CACNA1D: variants seen among roughly 807,000 people sequenced by gnomAD.
CACNA1D encodes the protein voltage-dependent L-type calcium channel subunit alpha-1D.
CACNA1D carries 55 observed loss-of-function variants against 257.1 expected under a neutral mutation model. The ratio of observed to expected loss-of-function variants is 0.21; its 90% CI spans 0.17 to 0.27. The LOEUF (loss-of-function observed/expected upper bound fraction) is 0.27. Among genes scored for constraint, CACNA1D ranks in the 10% least tolerant of loss-of-function variants. CACNA1D has a pLI of 1.00. For synonymous variants in CACNA1D, 980 were observed against 1,014.9 expected, an observed-to-expected ratio of 0.97 and a Z score of 0.65; for missense variants, 1,876 against 2,784.0, an observed-to-expected ratio of 0.67 and a Z score of 7.34.
chr3:53,509,616 G>A (rs371941738), intron 3 of CACNA1D, among the ~76,000 whole-genome samples: 16 of 152,158 alleles, frequency 1.1e-4, no homozygotes, highest in African/African-American at 3.1e-4. Flanking sequence ...GAGGGAGGGC[G>A]GGGAGGCAGG....
At position 53,573,243 on chromosome 3, in the gene CACNA1D, T is replaced by C. The variant is rs557265781; in HGVS notation, c.483+71523T>C. On this transcript the variant is annotated intron_variant, in intron 3 of 47. Transcript: ENST00000350061. The stretch of plus-strand genomic sequence containing the variant: ...TCTGGTTATTCTCTGTGCCAACTGC[T>C]GGCAGGAAAGGGCTGACATTTGTTT... Among the ~76,000 whole-genome samples the C allele has an allele frequency of 3.9e-5, 6 of 152,344 alleles. No homozygotes were observed. The South Asian group carries it at 1.2e-3, about 32-fold the overall frequency.
chr3:53,683,578 G>T (rs1052880505), intron 8 of CACNA1D, among the ~76,000 whole-genome samples: 3 of 152,142 alleles, frequency 2.0e-5, no homozygotes, highest in African/African-American at 7.2e-5. Flanking sequence ...TCACGATCAA[G>T]GAGGGAAAAG....
intron 3 of CACNA1D, among the ~76,000 whole-genome samples, chr3:53,516,491 G>T (rs940534448): frequency 6.6e-6 from 1 of 152,198 alleles, no homozygotes; most frequent in East Asian, 1.9e-4. Context: ...ACAGCATAGC[G>T]CTGTGTGGAA....
chr3:53,806,200 TCCCTCA>T (rs2095565306), intron 45 of CACNA1D, among the ~76,000 whole-genome samples: 1 of 73,194 alleles, frequency 1.4e-5, no homozygotes. Context: ...TCCTCCCTCC[TCCCTCA>T]TCTTCCCTCC....
At chr3:53,538,821 A>G (rs147333325) in intron 3 of CACNA1D, among the ~76,000 whole-genome samples, 236 of 152,348 alleles carry the variant, frequency 1.5e-3, no homozygotes, top group South Asian at 3.3e-3. Flanking sequence ...GTTCAGAGGT[A>G]CATATCCATA....
At chr3:53,594,243 G>A (rs189145463) in intron 3 of CACNA1D, among the ~76,000 whole-genome samples, 4 of 152,314 alleles carry the variant, frequency 2.6e-5, no homozygotes, top group Admixed American at 2.0e-4. Context: ...TACAGCATTC[G>A]AAGCAACCTG....
intron 3 of CACNA1D, among the ~76,000 whole-genome samples, chr3:53,580,601 G>T (rs1050112078): frequency 2.6e-5 from 4 of 152,208 alleles, no homozygotes; most frequent in Admixed American, 6.5e-5. Context: ...TCCTCTAGAT[G>T]CAGGGACAGT....
intron 21 of CACNA1D, among the ~76,000 whole-genome samples, chr3:53,741,740 G>A (rs912001514): frequency 2.0e-5 from 3 of 152,192 alleles, no homozygotes; most frequent in South Asian, 2.1e-4. Flanking sequence ...CTCAGCTTCT[G>A]CCTCAGCTTC....
intron 5 of CACNA1D, 124 bp downstream of exon 5, chr3:53,660,399 G>T: frequency 1.2e-6 from 1 of 855,716 alleles, no homozygotes; most frequent in Non-Finnish European, 1.9e-6. Context: ...GATGACCATG[G>T]CCTCCTTCAC....
At chr3:53,608,118 C>A (rs1327811100) in intron 3 of CACNA1D, among the ~76,000 whole-genome samples, 2 of 152,164 alleles carry the variant, frequency 1.3e-5, no homozygotes, top group African/African-American at 4.8e-5. Flanking sequence ...ATCAAGTCTT[C>A]TGTCCATGAA....
intron 9 of CACNA1D, among the ~76,000 whole-genome samples, chr3:53,714,087 C>T (rs1410847420): frequency 6.6e-6 from 1 of 152,222 alleles, no homozygotes. Flanking sequence ...TTTTCCCAGA[C>T]TCACTGAAAG....
At chr3:53,608,154 AGATTT>A (rs1394212740) in intron 3 of CACNA1D, among the ~76,000 whole-genome samples, 1 of 151,848 alleles carries the variant, frequency 6.6e-6, no homozygotes, top group African/African-American at 2.4e-5. Flanking sequence ...TAATTTATTT[AGATTT>A]GATTTAATTT....
At chr3:53,626,106 C>A (rs2093755406) in intron 3 of CACNA1D, among the ~76,000 whole-genome samples, 1 of 152,112 alleles carries the variant, frequency 6.6e-6, no homozygotes, top group African/African-American at 2.4e-5. Context: ...AGAGTTTGCA[C>A]CTTACTCTGT....
chr3:53,643,516 C>T (rs1030025935), intron 3 of CACNA1D, among the ~76,000 whole-genome samples: 5 of 152,110 alleles, frequency 3.3e-5, no homozygotes, highest in Admixed American at 1.3e-4. Context: ...AAAAAGCAGC[C>T]GCTGCTCTCG....
At position 53,521,080 on chromosome 3, in the gene CACNA1D, G is replaced by A. The variant is rs2091557932; in HGVS notation, c.483+19360G>A. ...TTTTCTTCAGGCTTTTGCCCTGCTG[G>A]CCATACTGGAGTACAGTGGTATCAT... On this transcript the variant is annotated intron_variant, in intron 3 of 47. Transcript: ENST00000350061. Among the ~76,000 whole-genome samples the A allele has an allele frequency of 1.3e-5, 2 of 148,530 alleles. 1 individual carries two copies. The highest frequency in any genetic ancestry group is 4.2e-4 in the South Asian group (2 of 4,714).
At chr3:53,732,757 A>G in intron 18 of CACNA1D, 58 bp from the exon 19 acceptor site, 1 of 1,504,682 alleles carries the variant, frequency 6.6e-7, no homozygotes, top group South Asian at 1.1e-5. Context: ...ATTAAGAATA[A>G]TTCAAACCCA....
At chr3:53,502,052 C>CT (rs750904996) in intron 3 of CACNA1D, among the ~76,000 whole-genome samples, 5,222 of 135,266 alleles carry the variant, frequency 0.039, 207 homozygotes, top group East Asian at 0.18. Context: ...TTTTTCTTTT[C>CT]TTTTTTTTTT....
rs147759456 is a variant in CACNA1D at position 53,549,273 on chromosome 3, A to G, written c.483+47553A>G. ...TCTTTTATGTGGTCTAATTGCTTCA[A>G]ACTTGAATGTGCTTTCATTTAAATC... On this transcript the variant is annotated intron_variant, in intron 3 of 47. Coordinates refer to ENST00000350061, the MANE Select transcript of CACNA1D (RefSeq NM_001128840.3). Among the ~76,000 whole-genome samples, 10 of 152,318 alleles carry G rather than the reference A, an allele frequency of 6.6e-5. No individual in the cohort carries two copies. The East Asian group carries it at 1.9e-3, about 29-fold the overall frequency.
In CACNA1D at chr3:53,773,028, G is replaced by A. The variant is rs2095375097; in HGVS notation, c.4110+130G>A. The A allele has an allele frequency of 1.2e-5, 10 of 808,666 alleles. No individual in the cohort carries two copies. The South Asian group carries it at 1.4e-4, about 12-fold the overall frequency. The allele number at this position is 808,666 out of a possible 1,614,324, so 50.1% of individuals were successfully genotyped here. On this transcript the variant is annotated intron_variant, in intron 33 of 47. Coordinates refer to ENST00000350061, the MANE Select transcript of CACNA1D (RefSeq NM_001128840.3). ...AGCCAAATGCCTCTGCTGAAGCCTA[G>A]GAAGATGAGAAAGACAAAGCTGCTT...
Sources: gnomAD v4.1 joint callset for allele counts (sites outside exome capture counted in the v4.1 genomes callset) on GRCh38, gnomAD v4.1.1 for gene constraint, MANE v1.5 for transcripts, NCBI Gene and HGNC (gene_info 2026-07-23, HGNC 2026-07-21) for gene names.